The following GABRG3 variants were observed in gnomAD, a reference collection of about 807,000 sequenced individuals.
GABRG3 encodes the protein gamma-aminobutyric acid type A receptor subunit gamma3, also known as gamma-aminobutyric acid receptor subunit gamma-3.
Under a neutral mutation model 48.8 loss-of-function variants are expected in GABRG3, and 25 were observed. The ratio of observed to expected loss-of-function variants is 0.51; its 90% confidence interval spans 0.37 to 0.72. GABRG3 has a LOEUF of 0.72. Ranked by LOEUF, GABRG3 falls within the 30% of genes least tolerant of loss-of-function variation. The pLI is 0.00. For missense variants in GABRG3, 394 were observed against 577.9 expected (o/e 0.68, Z 3.26); for synonymous variants, 227 against 217.6 (o/e 1.04, Z -0.38).
rs1649488006 is a variant in GABRG3, at chr15:27,541,820, GC to G, written c.*8940del. On this transcript the variant is annotated 3_prime_UTR_variant, in exon 10 of 10. Transcript: ENST00000615808. ...GTCCTAGTGAAATGAGGGCGCACTG[GC>G]GCCCGACGTGCCTTGGCGACACGGG... is the stretch of plus-strand genomic sequence containing the variant. 2 of 152,178 alleles carry G rather than the reference GC, an allele frequency of 1.3e-5. No individual in the cohort carries two copies. The highest frequency in any genetic ancestry group is 1.3e-4 in the Admixed American group (2 of 15,282). 9.4% of individuals were successfully genotyped at this position (152,178 alleles called of 1,614,324 possible).
chr15:27,449,016 A>T (rs977181743), intron 5 of GABRG3, among the ~76,000 whole-genome samples: 1 of 152,160 alleles, frequency 6.6e-6, no homozygotes, highest in African/African-American at 2.4e-5. Context: ...AGTGTATTGG[A>T]ATCTCCAAGA....
Position 26,990,254 on chromosome 15 carries a change from G to T in GABRG3, c.202+13104G>T, listed in dbSNP as rs151038967. On this transcript the variant is annotated intron_variant, in intron 2 of 9. Coordinates refer to ENST00000615808, the MANE Select transcript of GABRG3 (RefSeq NM_033223.5). The stretch of plus-strand genomic sequence containing the variant: ...ACATTTCCACCAACAGTGTACAAGG[G>T]TTCCCTTTTCTCCACATCCTTGCCA... Among the ~76,000 whole-genome samples the T allele has an allele frequency of 2.4e-3, 364 of 152,242 alleles. 1 individual carries two copies. The highest frequency in any genetic ancestry group is 8.4e-3 in the African/African-American group (348 of 41,550).
chr15:27,102,940 A>G (rs1342584610), intron 3 of GABRG3, among the ~76,000 whole-genome samples: 1 of 152,254 alleles, frequency 6.6e-6, no homozygotes, highest in African/African-American at 2.4e-5. Context: ...ACTGCCATTG[A>G]TAAAAATGAT....
At chr15:27,039,849 T>C (rs1038557700) in intron 3 of GABRG3, among the ~76,000 whole-genome samples, 2 of 152,206 alleles carry the variant, frequency 1.3e-5, no homozygotes, top group African/African-American at 4.8e-5. Flanking sequence ...TGATGTTCCA[T>C]CCACCCCTAT....
At position 26,976,406 on chromosome 15, in the gene GABRG3, A is replaced by G. The variant is rs1452529663; in HGVS notation, c.54-596A>G. ...GATTGCTAGAGGGTCTTCACCAGTC[A>G]TCAGCGAACATCGCTGTCCTTGCCT... is the stretch of plus-strand genomic sequence containing the variant. On this transcript the variant is annotated intron_variant, in intron 1 of 9. Coordinates refer to ENST00000615808, the MANE Select transcript of GABRG3 (RefSeq NM_033223.5). This position sits in a 1 kb window ranked among gnomAD's most constrained non-coding sequence, Gnocchi z 7.8. Among the ~76,000 whole-genome samples, 1 of 152,240 alleles carries G rather than the reference A, an allele frequency of 6.6e-6. No homozygotes were observed. The highest frequency in any genetic ancestry group is 1.5e-5 in the Non-Finnish European group (1 of 68,036).
intron 5 of GABRG3, among the ~76,000 whole-genome samples, chr15:27,386,949 A>G (rs905804702): frequency 2.0e-5 from 3 of 152,220 alleles, no homozygotes; most frequent in African/African-American, 7.2e-5. Context: ...TTCTTTTGAC[A>G]ATTTAAATAA....
rs1356924127 is a variant in GABRG3 at position 27,066,974 on chromosome 15, T to G, written c.270+40153T>G. 2.6e-5 allele frequency among the ~76,000 whole-genome samples: 4 copies of G among 152,248 alleles called. No homozygotes were observed. In the East Asian group the frequency reaches 7.7e-4, roughly 29 times the overall value. On this transcript the variant is annotated intron_variant, in intron 3 of 9. Transcript: ENST00000615808. ...TGCAACAGGACTTTGAGGGGCATGG[T>G]GGGATAATCTGACTACTAGCTTCTC...
intron 3 of GABRG3, among the ~76,000 whole-genome samples, chr15:27,081,373 G>A (rs558505857): frequency 7.9e-5 from 12 of 151,744 alleles, no homozygotes; most frequent in African/African-American, 2.9e-4. Context: ...TACATATTCT[G>A]GTAGAATTAG....
chr15:27,341,509 C>T (rs905998464), intron 5 of GABRG3, among the ~76,000 whole-genome samples: 4 of 152,170 alleles, frequency 2.6e-5, no homozygotes, highest in Admixed American at 1.3e-4. Context: ...TGCACACTTC[C>T]GTAGGTACAT....
chr15:27,118,519 A>G (rs1181069240), intron 3 of GABRG3, among the ~76,000 whole-genome samples: 1 of 152,188 alleles, frequency 6.6e-6, no homozygotes, highest in African/African-American at 2.4e-5. Context: ...TACTTAATAT[A>G]CAACTACTGT....
intron 3 of GABRG3, among the ~76,000 whole-genome samples, chr15:27,245,924 G>A (rs528168538): frequency 6.6e-5 from 10 of 152,296 alleles, no homozygotes; most frequent in South Asian, 2.1e-4. Flanking sequence ...GTACAAGGGC[G>A]ACACCAGCAT....
intron 3 of GABRG3, among the ~76,000 whole-genome samples, chr15:27,273,062 G>T (rs1413295823): frequency 3.3e-5 from 5 of 152,082 alleles, no homozygotes; most frequent in Non-Finnish European, 1.5e-5. Context: ...TAGGTGGTGG[G>T]CTAGATTTGG....
At chr15:27,306,661 C>CAT (rs1483207502) in intron 3 of GABRG3, among the ~76,000 whole-genome samples, 3,056 of 58,140 alleles carry the variant, frequency 0.053, 411 homozygotes, top group African/African-American at 0.2. Flanking sequence ...TATATATGAA[C>CAT]ATGTTTATAT....
intron 5 of GABRG3, among the ~76,000 whole-genome samples, chr15:27,376,109 G>A (rs1409199258): frequency 6.6e-6 from 1 of 152,144 alleles, no homozygotes; most frequent in Non-Finnish European, 1.5e-5. Context: ...TATTCAAGTG[G>A]GACAGCCCAA....
chr15:27,360,030 A>G (rs917961374), intron 5 of GABRG3, among the ~76,000 whole-genome samples: 1 of 152,186 alleles, frequency 6.6e-6, no homozygotes, highest in African/African-American at 2.4e-5. Context: ...CACTGAGCCC[A>G]GCCTCCAAGA....
At chr15:27,358,031 T>C (rs1277352958) in intron 5 of GABRG3, among the ~76,000 whole-genome samples, 2 of 152,212 alleles carry the variant, frequency 1.3e-5, no homozygotes, top group Non-Finnish European at 2.9e-5. Flanking sequence ...AAAAACCACA[T>C]TTATTAGTCT....
chr15:27,263,641 T>G (rs868693281), intron 3 of GABRG3, among the ~76,000 whole-genome samples: 1 of 152,182 alleles, frequency 6.6e-6, no homozygotes, highest in African/African-American at 2.4e-5. Flanking sequence ...CTGACTCATC[T>G]CTGCAAAGTT....
intron 3 of GABRG3, among the ~76,000 whole-genome samples, chr15:27,054,262 A>G (rs565322859): frequency 6.6e-6 from 1 of 152,072 alleles, no homozygotes; most frequent in South Asian, 2.1e-4. Context: ...AAAAGAAAAA[A>G]GGAGGGAGGG....
chr15:27,206,422 T>C (rs574961108), intron 3 of GABRG3, among the ~76,000 whole-genome samples: 3 of 152,316 alleles, frequency 2.0e-5, no homozygotes, highest in Admixed American at 6.5e-5. Flanking sequence ...AAAGTGTGGC[T>C]GGTATGATTT....
Sources: allele counts gnomAD v4.1 joint callset (sites outside exome capture counted in the v4.1 genomes callset), GRCh38; gene constraint gnomAD v4.1.1; non-coding constraint Gnocchi (gnomAD v3.1); transcripts MANE v1.5; gene names NCBI Gene and HGNC (gene_info 2026-07-23, HGNC 2026-07-21).